Variants in KCNQ5 observed in about 807,000 individuals in gnomAD.
KCNQ5 encodes the protein potassium voltage-gated channel subfamily Q member 5, also known as potassium voltage-gated channel subfamily KQT member 5.
In KCNQ5, 30 loss-of-function variants were observed where a neutral mutation model predicts 98.2. That is an observed-to-expected ratio of 0.31 (90% CI 0.23 to 0.41). The LOEUF is 0.41. KCNQ5 is among the 10% of genes least tolerant of loss of function. The pLI, the probability that KCNQ5 is intolerant of heterozygous loss-of-function variation, is 1.00. For synonymous variants in KCNQ5, 458 were observed against 449.4 expected, an observed-to-expected ratio of 1.02 and a Z score of -0.24; for missense variants, 835 against 1,182.5, an observed-to-expected ratio of 0.71 and a Z score of 4.31.
intron 11 of KCNQ5, among the ~76,000 whole-genome samples, chr6:73,170,859 G>A (rs1336341415): frequency 6.6e-5 from 10 of 152,210 alleles, no homozygotes; most frequent in Non-Finnish European, 1.5e-4. Context: ...TCTTGAGCCC[G>A]GGAGATGGAG....
At chr6:72,634,161 C>T (rs750791625) in intron 1 of KCNQ5, among the ~76,000 whole-genome samples, 4 of 152,116 alleles carry the variant, frequency 2.6e-5, no homozygotes, top group Non-Finnish European at 5.9e-5. Context: ...TCTAGTATAG[C>T]TCTCAGCAAA....
chr6:72,752,186 T>A (rs548388163), intron 1 of KCNQ5, among the ~76,000 whole-genome samples: 1 of 152,118 alleles, frequency 6.6e-6, no homozygotes, highest in Non-Finnish European at 1.5e-5. Context: ...AAAGACGTTG[T>A]CCTTTTTCAT....
intron 7 of KCNQ5, among the ~76,000 whole-genome samples, chr6:73,119,555 A>G (rs986875164): frequency 4.6e-5 from 7 of 152,224 alleles, no homozygotes; most frequent in Non-Finnish European, 8.8e-5. Context: ...ATACACCTAG[A>G]GAGTACATTT....
At chr6:73,126,549 G>A (rs560552923) in intron 9 of KCNQ5, among the ~76,000 whole-genome samples, 2 of 152,106 alleles carry the variant, frequency 1.3e-5, no homozygotes, top group Non-Finnish European at 2.9e-5. Flanking sequence ...TATGATGTTC[G>A]CATATATCTA....
At chr6:73,063,717 TA>T (rs745582508) in intron 3 of KCNQ5, among the ~76,000 whole-genome samples, 2,477 of 109,702 alleles carry the variant, frequency 0.023, 48 homozygotes, top group African/African-American at 0.05. Flanking sequence ...GATAGATAGA[TA>T]GATGATAGAT....
chr6:72,672,521 T>G (rs2154473413), intron 1 of KCNQ5, among the ~76,000 whole-genome samples: 1 of 152,306 alleles, frequency 6.6e-6, no homozygotes, highest in South Asian at 2.1e-4. Flanking sequence ...GCCTAGTGTT[T>G]TTAAAAATAA....
At chr6:72,920,826 G>C (rs1368641251) in intron 1 of KCNQ5, among the ~76,000 whole-genome samples, 1 of 152,056 alleles carries the variant, frequency 6.6e-6, no homozygotes, top group African/African-American at 2.4e-5. Context: ...GGGAGTCAAG[G>C]GGTTCTGCTT....
chr6:73,163,572 C>T (rs1777690864), intron 10 of KCNQ5, among the ~76,000 whole-genome samples: 1 of 152,130 alleles, frequency 6.6e-6, no homozygotes, highest in Admixed American at 6.6e-5. Context: ...CATGGCGAAA[C>T]CCCGTCTCTA....
intron 1 of KCNQ5, among the ~76,000 whole-genome samples, chr6:72,902,889 A>G (rs997395309): frequency 4.0e-5 from 6 of 151,686 alleles, no homozygotes; most frequent in Admixed American, 6.6e-5. Flanking sequence ...TCTTTATCTT[A>G]TGAAATAGTG....
At chr6:72,908,481 T>C (rs1052759511) in intron 1 of KCNQ5, among the ~76,000 whole-genome samples, 1 of 152,148 alleles carries the variant, frequency 6.6e-6, no homozygotes. Flanking sequence ...ATATAAACAA[T>C]AAAATTTGTA....
chr6:73,151,963 C>T (rs1333747747), intron 10 of KCNQ5, among the ~76,000 whole-genome samples: 3 of 152,152 alleles, frequency 2.0e-5, no homozygotes, highest in Admixed American at 2.0e-4. Flanking sequence ...GACCAATTTC[C>T]CTCTCCACCT....
intron 3 of KCNQ5, among the ~76,000 whole-genome samples, chr6:73,076,002 G>A (rs905656474): frequency 1.3e-5 from 2 of 152,184 alleles, no homozygotes; most frequent in African/African-American, 4.8e-5. Flanking sequence ...CTCCAGCCTG[G>A]GTGATAGAGT....
chr6:72,856,151 A>G (rs955228829), intron 1 of KCNQ5, among the ~76,000 whole-genome samples: 1 of 152,142 alleles, frequency 6.6e-6, no homozygotes, highest in Admixed American at 6.5e-5. Context: ...ATCTTTCTTC[A>G]AGCATTCTGG....
chr6:72,871,658 A>T (rs977488441), intron 1 of KCNQ5, among the ~76,000 whole-genome samples: 2 of 152,176 alleles, frequency 1.3e-5, no homozygotes, highest in Non-Finnish European at 2.9e-5. Flanking sequence ...CCTAAATGTA[A>T]ACTAAAAGCC....
chr6:73,009,184 GT>G (rs1305692173), intron 2 of KCNQ5, among the ~76,000 whole-genome samples: 1 of 152,002 alleles, frequency 6.6e-6, no homozygotes, highest in Non-Finnish European at 1.5e-5. Flanking sequence ...TAGAGGCAGG[GT>G]TTCACCATAT....
chr6:72,659,611 G>A (rs1220255516), intron 1 of KCNQ5, among the ~76,000 whole-genome samples: 1 of 152,132 alleles, frequency 6.6e-6, no homozygotes, highest in East Asian at 1.9e-4. Context: ...CTAATGCTGT[G>A]TCCTCACGTG....
At chr6:72,848,246 G>A (rs1003579560) in intron 1 of KCNQ5, among the ~76,000 whole-genome samples, 1 of 151,114 alleles carries the variant, frequency 6.6e-6, no homozygotes, top group Non-Finnish European at 1.5e-5. Flanking sequence ...ATGCAGGTTT[G>A]TTACATAGGT....
chr6:73,014,990 A>G (rs1770258365), intron 2 of KCNQ5, among the ~76,000 whole-genome samples: 3 of 152,108 alleles, frequency 2.0e-5, no homozygotes, highest in African/African-American at 7.2e-5. Context: ...TAAGGGTTTG[A>G]TACAGAATGA....
At chr6:72,857,469 C>T (rs925965378) in intron 1 of KCNQ5, among the ~76,000 whole-genome samples, 1 of 151,992 alleles carries the variant, frequency 6.6e-6, no homozygotes, top group African/African-American at 2.4e-5. Context: ...CTTCTAATGT[C>T]GGTATATTTT....
Sources: gnomAD v4.1 joint callset for allele counts (sites outside exome capture counted in the v4.1 genomes callset) on GRCh38, gnomAD v4.1.1 for gene constraint, MANE v1.5 for transcripts, NCBI Gene and HGNC (gene_info 2026-07-23, HGNC 2026-07-21) for gene names.